Variants in METTL2B observed in about 807,000 individuals in gnomAD.
METTL2B encodes the protein methyltransferase 2B, tRNA N3-cytidine, also known as tRNA N(3)-cytidine methyltransferase METTL2B.
A neutral mutation model predicts 51.0 loss-of-function variants in METTL2B; 28 were observed. That is an observed-to-expected ratio of 0.55 (90% confidence interval 0.41 to 0.75). The LOEUF is 0.75. Ranked by LOEUF, METTL2B falls within the 30% of genes least tolerant of loss-of-function variation. The pLI, the probability that METTL2B is intolerant of heterozygous loss-of-function variation, is 0.00. For synonymous variants in METTL2B, 128 were observed against 166.3 expected (o/e 0.77, Z 1.77); for missense variants, 313 against 460.7 (o/e 0.68, Z 2.93).
intron 7 of METTL2B, among the ~76,000 whole-genome samples, chr7:128,499,425 T>A (rs1164906551): frequency 6.6e-6 from 1 of 151,896 alleles, no homozygotes; most frequent in Non-Finnish European, 1.5e-5. Context: ...CGATCTCGGC[T>A]CACTGCAACC....
intron 5 of METTL2B, among the ~76,000 whole-genome samples, chr7:128,491,154 CAAA>C (rs56007742): frequency 1.9e-5 from 2 of 103,386 alleles, no homozygotes; most frequent in African/African-American, 7.9e-5. Flanking sequence ...GACTCCATCT[CAAA>C]AAAAAAAAAA....
In METTL2B at chr7:128,504,556, TGTTG is replaced by T. The variant is rs1449398713; in HGVS notation, c.*2643_*2646del. 6.6e-6 allele frequency: 1 copy of T among 151,088 alleles called. No individual in the cohort carries two copies. Among genetic ancestry groups the T allele is most frequent in the Non-Finnish European group, 1.5e-5 (1 of 67,686 alleles). 9.4% of individuals were successfully genotyped at this position (151,088 alleles called of 1,614,324 possible). On this transcript the variant is annotated 3_prime_UTR_variant, in exon 9 of 9. Transcript: ENST00000262432. ...TTTTAGTAGAGACAAGGTTTCTCCA[TGTTG>T]GTCAGGCTGATCTCGAACTCCCGAC...
At chr7:128,501,721 T>G (rs779400093) in intron 8 of METTL2B, 41 bp from the exon 9 acceptor site, 5 of 1,607,368 alleles carry the variant, frequency 3.1e-6, no homozygotes, top group Admixed American at 3.4e-5. Flanking sequence ...TGCCTTTTCT[T>G]GAGGGGAAAA....
At chr7:128,501,469 T>C in intron 8 of METTL2B, 1 of 985,442 alleles carries the variant, frequency 1.0e-6, no homozygotes, top group Non-Finnish European at 1.2e-6. Context: ...CCTAAAGCAA[T>C]TGCTTTGACA....
At chr7:128,491,957 C>G (rs1426287365) in intron 5 of METTL2B, among the ~76,000 whole-genome samples, 1 of 152,000 alleles carries the variant, frequency 6.6e-6, no homozygotes, top group Non-Finnish European at 1.5e-5. Context: ...CTGAAGAATT[C>G]TATGGTTTGT....
intron 5 of METTL2B, chr7:128,488,438 T>C: frequency 3.3e-6 from 2 of 599,058 alleles, no homozygotes; most frequent in Non-Finnish European, 6.4e-6. Flanking sequence ...GCTCACTTAG[T>C]GTCTGTGTGT....
rs867025440 is a variant in METTL2B at position 128,499,601 on chromosome 7, G to A, written c.917-1302G>A. Among the ~76,000 whole-genome samples, 9 of 127,332 alleles carry A rather than the reference G, an allele frequency of 7.1e-5. 1 individual carries two copies. Among genetic ancestry groups the A allele is most frequent in the Admixed American group, 3.5e-4 (4 of 11,582 alleles). 83.5% of individuals were successfully genotyped at this position (127,332 alleles called of 152,430 possible). ...TGGCACGATCTCGGCTCACTGCAAC[G>A]TCTGTCTCTTGGGTTCAAGCAATTC... On this transcript the variant is annotated intron_variant, in intron 7 of 8. Coordinates refer to ENST00000262432, the MANE Select transcript of METTL2B (RefSeq NM_018396.3).
chr7:128,499,120 T>C (rs1792979743), intron 7 of METTL2B, among the ~76,000 whole-genome samples: 1 of 152,140 alleles, frequency 6.6e-6, no homozygotes, highest in Admixed American at 6.5e-5. Context: ...GTGCATATAA[T>C]AGATGAAGAC....
chr7:128,499,542 G>A (rs1347655733), intron 7 of METTL2B, among the ~76,000 whole-genome samples: 6 of 131,772 alleles, frequency 4.6e-5, no homozygotes, highest in East Asian at 2.2e-4. Context: ...TTTTTGAGAC[G>A]GAGTCTCGCT....
intron 2 of METTL2B, among the ~76,000 whole-genome samples, chr7:128,478,567 T>A (rs748137646): frequency 1.4e-5 from 2 of 146,824 alleles, no homozygotes; most frequent in Non-Finnish European, 3.0e-5. Context: ...GATTTTTTAA[T>A]AGTTAAAAGT....
intron 4 of METTL2B, among the ~76,000 whole-genome samples, chr7:128,482,682 C>T (rs1056773528): frequency 6.6e-6 from 1 of 152,122 alleles, no homozygotes; most frequent in Non-Finnish European, 1.5e-5. Flanking sequence ...TACAGGCATG[C>T]GCCACAATGC....
In METTL2B at chr7:128,494,305, T is replaced by C. The variant is rs558862198; in HGVS notation, c.809+362T>C. Among the ~76,000 whole-genome samples the C allele has an allele frequency of 7.9e-5, 12 of 152,280 alleles. No homozygotes were observed. In the East Asian group the frequency reaches 2.3e-3, roughly 29 times the overall value. On this transcript the variant is annotated intron_variant, in intron 6 of 8. Transcript: ENST00000262432. ...CTATGCCCAGCCTGGCAAGAGACCTTGATATTAGAGTTGGGCTCGAAGTAA... is the reference window on the plus strand; with the variant it reads ...CTATGCCCAGCCTGGCAAGAGACCTCGATATTAGAGTTGGGCTCGAAGTAA...
chr7:128,485,934 G>A (rs981013964), intron 4 of METTL2B, among the ~76,000 whole-genome samples: 1 of 152,150 alleles, frequency 6.6e-6, no homozygotes, highest in Non-Finnish European at 1.5e-5. Flanking sequence ...TGCTACACCC[G>A]ACACCATTGT....
chr7:128,484,234 T>TTGTTTTG (rs1792656309), intron 4 of METTL2B: 1 of 127,214 alleles, frequency 7.9e-6, no homozygotes, highest in Non-Finnish European at 1.7e-5. Context: ...TTTTTTTTTT[T>TTGTTTTG]TTTTTTTTTT....
intron 4 of METTL2B, among the ~76,000 whole-genome samples, chr7:128,487,287 C>T (rs1269836940): frequency 2.0e-5 from 3 of 152,140 alleles, no homozygotes; most frequent in Admixed American, 6.6e-5. Flanking sequence ...AAAATCCCAG[C>T]GTCTCACTCA....
intron 7 of METTL2B, among the ~76,000 whole-genome samples, chr7:128,499,513 C>T (rs1356178678): frequency 7.0e-6 from 1 of 143,334 alleles, no homozygotes; most frequent in Non-Finnish European, 1.5e-5. Context: ...CCAGTATTAA[C>T]AGCCTTTTTT....
At chr7:128,481,179 A>G (rs1799869069) in intron 4 of METTL2B, among the ~76,000 whole-genome samples, 1 of 152,198 alleles carries the variant, frequency 6.6e-6, no homozygotes, top group African/African-American at 2.4e-5. Flanking sequence ...ATGAAAACAC[A>G]CTGGTTTTGT....
Position 128,502,789 on chromosome 7 carries a change from T to A in METTL2B, c.*873T>A. On this transcript the variant is annotated 3_prime_UTR_variant, in exon 9 of 9. Transcript: ENST00000262432. The stretch of plus-strand genomic sequence containing the variant: ...TGGTGGGTGCCTGTAATCCAGCTAC[T>A]CGGGAGGCTGAGGCAGGAGAATCAC... The A allele has an allele frequency of 3.1e-6, 1 of 321,788 alleles. No homozygotes were observed. The highest frequency in any genetic ancestry group is 6.0e-6 in the Non-Finnish European group (1 of 165,880). 19.9% of individuals were successfully genotyped at this position (321,788 alleles called of 1,614,324 possible). A position where few individuals can be genotyped will look rare whatever the true frequency, so the allele number is the denominator to read the frequency against.
chr7:128,488,749 G>A (rs1792766706), intron 5 of METTL2B, among the ~76,000 whole-genome samples: 1 of 152,124 alleles, frequency 6.6e-6, no homozygotes, highest in Non-Finnish European at 1.5e-5. Context: ...GGCTGGTCTC[G>A]AATGATAGCT....
Sources: gnomAD v4.1 joint callset for allele counts (sites outside exome capture counted in the v4.1 genomes callset) on GRCh38, gnomAD v4.1.1 for gene constraint, MANE v1.5 for transcripts, NCBI Gene and HGNC (gene_info 2026-07-23, HGNC 2026-07-21) for gene names.